The following NAALADL2 variants were observed in gnomAD, a reference collection of about 807,000 sequenced individuals.
NAALADL2 encodes inactive N-acetylated-alpha-linked acidic dipeptidase-like protein 2.
A neutral mutation model predicts 87.2 loss-of-function variants in NAALADL2; 76 were observed. The observed-to-expected ratio is 0.87, with a 90% CI of 0.72 to 1.05. The LOEUF (loss-of-function observed/expected upper bound fraction) is 1.05, where lower values mean the gene tolerates loss of function less well. Ranked by LOEUF, NAALADL2 falls within the 50% of genes least tolerant of loss-of-function variation. The pLI, the probability that NAALADL2 is intolerant of heterozygous loss-of-function variation, is 0.00. For missense variants in NAALADL2, 1,089 were observed against 945.8 expected (o/e 1.15, Z -1.99); for synonymous variants, 354 against 331.0 (o/e 1.07, Z -0.75).
intron 5 of NAALADL2, among the ~76,000 whole-genome samples, chr3:175,442,660 C>A (rs1466011164): frequency 6.6e-6 from 1 of 152,152 alleles, no homozygotes; most frequent in Non-Finnish European, 1.5e-5. Flanking sequence ...TTATACTATG[C>A]ACATGTAGCA....
rs141715837 is a variant in NAALADL2 at position 174,779,973 on chromosome 3, A to G, written c.-9+42227A>G. On this transcript the variant is annotated intron_variant, in intron 3 of 3. Transcript: ENST00000434257. ...TATACAGGTTCTTTTTTGATTCCAT[A>G]TAAATTTAAAGTAGTTTTTTCTAAT... is the stretch of plus-strand genomic sequence containing the variant. Among the ~76,000 whole-genome samples the G allele has an allele frequency of 7.9e-5, 12 of 152,186 alleles. No homozygotes were observed. The East Asian group carries it at 2.3e-3, about 29-fold the overall frequency.
At chr3:175,638,922 G>C (rs1009582873) in intron 11 of NAALADL2, among the ~76,000 whole-genome samples, 2 of 152,150 alleles carry the variant, frequency 1.3e-5, no homozygotes, top group Non-Finnish European at 2.9e-5. Flanking sequence ...AGTTGTTCTT[G>C]TGTGTACTTT....
At chr3:174,713,019 T>G (rs1047892643) in intron 2 of NAALADL2, among the ~76,000 whole-genome samples, 13 of 152,006 alleles carry the variant, frequency 8.6e-5, no homozygotes, top group African/African-American at 9.7e-5. Flanking sequence ...TGTTCTCATT[T>G]TTCAATTCCC....
intron 2 of NAALADL2, among the ~76,000 whole-genome samples, chr3:174,565,623 G>T (rs936768357): frequency 2.0e-5 from 3 of 151,974 alleles, no homozygotes; most frequent in Non-Finnish European, 4.4e-5. Context: ...TAATAAAGCT[G>T]CTAAAAAACA....
chr3:174,807,587 G>C (rs1375049711), intron 3 of NAALADL2, among the ~76,000 whole-genome samples: 1 of 151,964 alleles, frequency 6.6e-6, no homozygotes, highest in African/African-American at 2.4e-5. Flanking sequence ...TGAATTTGTA[G>C]TTTGCAAGTA....
chr3:175,003,778 ACAT>A (rs1158167786), intron 1 of NAALADL2, among the ~76,000 whole-genome samples: 1 of 152,238 alleles, frequency 6.6e-6, no homozygotes, highest in African/African-American at 2.4e-5. Flanking sequence ...TATGAAGATG[ACAT>A]CATTAACACT....
intron 2 of NAALADL2, among the ~76,000 whole-genome samples, chr3:175,197,024 T>A (rs534604537): frequency 6.6e-6 from 1 of 151,944 alleles, no homozygotes; most frequent in African/African-American, 2.4e-5. Flanking sequence ...AAGGGGTCAT[T>A]TTTTTACTGC....
chr3:175,696,692 C>G (rs1737840215), intron 11 of NAALADL2, among the ~76,000 whole-genome samples: 1 of 152,106 alleles, frequency 6.6e-6, no homozygotes, highest in Non-Finnish European at 1.5e-5. Context: ...AAGATGACGA[C>G]TTACTGTCTT....
At chr3:174,862,787 A>C (rs1726658122) in intron 1 of NAALADL2, among the ~76,000 whole-genome samples, 1 of 152,126 alleles carries the variant, frequency 6.6e-6, no homozygotes, top group Non-Finnish European at 1.5e-5. Context: ...TGTTTAATAC[A>C]CTTGGCACTC....
chr3:175,585,242 C>T (rs1237373614), intron 10 of NAALADL2, among the ~76,000 whole-genome samples: 1 of 152,058 alleles, frequency 6.6e-6, no homozygotes, highest in African/African-American at 2.4e-5. Context: ...ATCTTCAAGA[C>T]CTCATTAGGC....
intron 5 of NAALADL2, among the ~76,000 whole-genome samples, chr3:175,370,726 A>G (rs1029068526): frequency 6.6e-6 from 1 of 152,128 alleles, no homozygotes; most frequent in Non-Finnish European, 1.5e-5. Context: ...CCAACATTCG[A>G]TGGTTCTGTG....
chr3:175,541,090 G>A (rs375427671), intron 9 of NAALADL2, among the ~76,000 whole-genome samples: 59 of 152,248 alleles, frequency 3.9e-4, no homozygotes, highest in African/African-American at 1.3e-3. Context: ...TGCTAATGAG[G>A]GGAAAATGCT....
intron 1 of NAALADL2, among the ~76,000 whole-genome samples, chr3:175,029,066 A>AT (rs569220638): frequency 0.025 from 3,445 of 136,000 alleles, 120 homozygotes; most frequent in African/African-American, 0.083. Flanking sequence ...TATATATATA[A>AT]AAAACTCAAA....
At chr3:174,788,438 T>C (rs1383892991) in intron 3 of NAALADL2, among the ~76,000 whole-genome samples, 2 of 152,134 alleles carry the variant, frequency 1.3e-5, no homozygotes, top group Non-Finnish European at 2.9e-5. Flanking sequence ...AGGCTAGAAG[T>C]ACAAAATCCA....
chr3:174,861,226 T>C (rs73881539), intron 1 of NAALADL2, among the ~76,000 whole-genome samples: 1,886 of 152,186 alleles, frequency 0.012, 34 homozygotes, highest in African/African-American at 0.043. Flanking sequence ...ATTGAAGTGC[T>C]TCCCTACCAG....
chr3:174,668,487 T>C (rs1224021347), intron 2 of NAALADL2, among the ~76,000 whole-genome samples: 1 of 152,170 alleles, frequency 6.6e-6, no homozygotes, highest in Non-Finnish European at 1.5e-5. Flanking sequence ...TAGTTACATA[T>C]GTATACATGT....
chr3:175,320,798 T>A (rs1394273758), intron 4 of NAALADL2, among the ~76,000 whole-genome samples: 3 of 151,834 alleles, frequency 2.0e-5, no homozygotes, highest in Non-Finnish European at 4.4e-5. Context: ...AGAAGTTGAA[T>A]CTCTGAATAG....
chr3:175,547,002 T>C (rs1312573604), intron 9 of NAALADL2, among the ~76,000 whole-genome samples: 1 of 152,122 alleles, frequency 6.6e-6, no homozygotes, highest in Non-Finnish European at 1.5e-5. Context: ...CACAAAGCAA[T>C]TTATGGATTC....
chr3:175,049,149 G>C lies in NAALADL2; in HGVS notation c.44-47641G>C, dbSNP rs904284552. Among the ~76,000 whole-genome samples, 5 of 151,974 alleles carry C rather than the reference G, an allele frequency of 3.3e-5. No individual in the cohort carries two copies. The East Asian group carries it at 9.7e-4, about 29-fold the overall frequency. ...CAGGATCCACTGATTATCTGCCTCA[G>C]GTAATCCTGGCTCATCAAGCCATGA... On this transcript the variant is annotated intron_variant, in intron 1 of 13. Coordinates refer to ENST00000454872, the MANE Select transcript of NAALADL2 (RefSeq NM_207015.3).
Sources: gnomAD v4.1 joint callset for allele counts (sites outside exome capture counted in the v4.1 genomes callset) on GRCh38, gnomAD v4.1.1 for gene constraint, MANE v1.5 for transcripts, NCBI Gene and HGNC (gene_info 2026-07-23, HGNC 2026-07-21) for gene names.